The following CCDC152 variants were observed in gnomAD, a reference collection of about 807,000 sequenced individuals.
The protein encoded by CCDC152 is coiled-coil domain-containing protein 152.
A neutral mutation model predicts 38.1 loss-of-function variants in CCDC152; 37 were observed. The observed-to-expected ratio is 0.97, with a 90% CI of 0.75 to 1.28. The LOEUF is 1.28. Among genes scored for constraint, CCDC152 ranks in the 50% most tolerant of loss-of-function variants. The probability of loss-of-function intolerance (pLI) is 0.00; values close to 1 mark genes in which losing one functional copy is unlikely to be tolerated. For synonymous variants in CCDC152, 83 were observed against 87.1 expected (o/e 0.95, Z 0.26); for missense variants, 259 against 292.1 (o/e 0.89, Z 0.83).
chr5:42,789,105 C>T (rs1449077348), intron 6 of CCDC152, among the ~76,000 whole-genome samples: 1 of 152,228 alleles, frequency 6.6e-6, no homozygotes, highest in East Asian at 1.9e-4. Flanking sequence ...CAGTATTGCC[C>T]AGTGTCACAA....
At chr5:42,799,338 C>G (rs1443259449) in intron 7 of CCDC152, 37 bp from the exon 8 acceptor site, 3 of 1,042,792 alleles carry the variant, frequency 2.9e-6, no homozygotes, top group Non-Finnish European at 4.3e-6. Flanking sequence ...TTCTAATTGT[C>G]TAGAGTTTCA....
At chr5:42,799,273 A>C (rs1375976644) in intron 7 of CCDC152, 102 bp from the exon 8 acceptor site, 1 of 608,862 alleles carries the variant, frequency 1.6e-6, no homozygotes, top group East Asian at 3.0e-5. Flanking sequence ...TTTACACCTG[A>C]ATTACAGATT....
Position 42,799,714 on chromosome 5 carries a change from C to A in CCDC152, c.698C>A (p.Thr233Asn). 6.4e-7 allele frequency: 1 copy of A among 1,550,816 alleles called. No individual in the cohort carries two copies. The highest frequency in any genetic ancestry group is 2.0e-5 in the Admixed American group (1 of 50,970). Residue 233 changes from threonine (T) to asparagine (N), a missense_variant, in exon 9 of 9, where the codon ACC becomes AAC. By Grantham distance (65) the Thr-to-Asn change is moderately conservative. Transcript: ENST00000361970. The stretch of plus-strand genomic sequence containing the variant: ...AAGGAGATTGCAATTCTTCGTAATA[C>A]CATTCGCGATTTAGAGCAACGCCTT... ...KNKEIAILRNTIRDLEQRLSV... is the reference protein window; with the variant it reads ...KNKEIAILRNNIRDLEQRLSV...
chr5:42,757,460 A>G (rs530415800), intron 1 of CCDC152, among the ~76,000 whole-genome samples: 20 of 152,294 alleles, frequency 1.3e-4, no homozygotes, highest in African/African-American at 4.8e-4. Context: ...AGGCAAGAAG[A>G]CAAAGAAGGA....
chr5:42,757,429 G>A (rs1343321080), intron 1 of CCDC152, among the ~76,000 whole-genome samples: 1 of 152,192 alleles, frequency 6.6e-6, no homozygotes, highest in Non-Finnish European at 1.5e-5. Flanking sequence ...TCACGCTCCT[G>A]TGGGGATGGT....
At chr5:42,782,545 T>A (rs1759859930) in intron 5 of CCDC152, among the ~76,000 whole-genome samples, 1 of 152,008 alleles carries the variant, frequency 6.6e-6, no homozygotes, top group Non-Finnish European at 1.5e-5. Flanking sequence ...ATTGGGGAGA[T>A]GTTGGTGAAA....
chr5:42,774,345 T>A (rs145555522), intron 4 of CCDC152, among the ~76,000 whole-genome samples: 7 of 152,292 alleles, frequency 4.6e-5, no homozygotes, highest in Admixed American at 4.6e-4. Context: ...ATCTCACAGT[T>A]AAGATATGAG....
rs766072096 is a variant in CCDC152, at chr5:42,800,809, G to T, written c.*1028G>T. 12 of 1,614,040 alleles carry T rather than the reference G, an allele frequency of 7.4e-6. No individual in the cohort carries two copies. Among genetic ancestry groups the T allele is most frequent in the Non-Finnish European group, 1.0e-5 (12 of 1,180,000 alleles). On this transcript the variant is annotated 3_prime_UTR_variant, in exon 9 of 9. Transcript: ENST00000361970. Reference sequence around the variant, plus strand: ...GTGGGTATAAGCTGCTGACTTATTTGTCAGGCAGCTGGAGGCAAACGTCAC... The same window carrying T: ...GTGGGTATAAGCTGCTGACTTATTTTTCAGGCAGCTGGAGGCAAACGTCAC...
chr5:42,798,674 A>G (rs1479260135), intron 7 of CCDC152, among the ~76,000 whole-genome samples: 1 of 152,118 alleles, frequency 6.6e-6, no homozygotes, highest in Non-Finnish European at 1.5e-5. Context: ...GTACCTAACC[A>G]TTTCTCTCCT....
intron 3 of CCDC152, among the ~76,000 whole-genome samples, chr5:42,763,469 T>C (rs191535325): frequency 7.5e-4 from 113 of 150,844 alleles, no homozygotes; most frequent in Admixed American, 2.2e-3. Context: ...TTCTTTACTA[T>C]AGTGAAGACA....
chr5:42,788,014 T>G (rs1346220863), intron 6 of CCDC152, among the ~76,000 whole-genome samples: 1 of 152,194 alleles, frequency 6.6e-6, no homozygotes, highest in Non-Finnish European at 1.5e-5. Context: ...TAGTCTCAGT[T>G]GTTTGTTTTA....
rs945028730 is a variant in CCDC152, at chr5:42,801,510, A to C, written c.*1729A>C. ...GTCTCAACACCTAGACATTTTATTA[A>C]AGGCTTAAAAAGAAAGCCAAACCAC... On this transcript the variant is annotated 3_prime_UTR_variant, in exon 9 of 9. Coordinates refer to ENST00000361970, the MANE Select transcript of CCDC152 (RefSeq NM_001134848.2). The C allele has an allele frequency of 9.3e-6, 5 of 537,648 alleles. No individual in the cohort carries two copies. The highest frequency in any genetic ancestry group is 1.3e-5 in the Non-Finnish European group (4 of 311,612). The allele number at this position is 537,648 out of a possible 1,614,324, so 33.3% of individuals were successfully genotyped here.
chr5:42,763,963 AC>A (rs1245507720), intron 3 of CCDC152, among the ~76,000 whole-genome samples: 1 of 152,174 alleles, frequency 6.6e-6, no homozygotes, highest in Non-Finnish European at 1.5e-5. Context: ...AAATTAATAA[AC>A]TTTTTGGAGC....
At chr5:42,779,631 G>C in intron 5 of CCDC152, 109 bp downstream of exon 5, 5 of 626,852 alleles carry the variant, frequency 8.0e-6, no homozygotes, top group Non-Finnish European at 1.4e-5. Flanking sequence ...AAATGTTTGT[G>C]GGTGTGTGTG....
chr5:42,793,738 A>G (rs1156472041), intron 6 of CCDC152, among the ~76,000 whole-genome samples: 1 of 152,140 alleles, frequency 6.6e-6, no homozygotes, highest in East Asian at 1.9e-4. Flanking sequence ...CTTCCTGAGT[A>G]GCTGGGCCCA....
At chr5:42,779,726 T>A (rs536818314) in intron 5 of CCDC152, among the ~76,000 whole-genome samples, 4 of 152,244 alleles carry the variant, frequency 2.6e-5, no homozygotes, top group African/African-American at 7.2e-5. Context: ...AGAGTTTTTT[T>A]TTTTTACAAA....
At chr5:42,758,972 A>G in intron 1 of CCDC152, 148 bp from the exon 2 acceptor site, 2 of 522,466 alleles carry the variant, frequency 3.8e-6, no homozygotes, top group East Asian at 6.3e-5. Context: ...AATATTGGTT[A>G]TAACAAAAAT....
At chr5:42,759,627 A>T (rs1759523027) in intron 2 of CCDC152, among the ~76,000 whole-genome samples, 2 of 152,180 alleles carry the variant, frequency 1.3e-5, no homozygotes, top group African/African-American at 4.8e-5. Context: ...GAAATCTTCC[A>T]TTGTCTCTGT....
intron 6 of CCDC152, among the ~76,000 whole-genome samples, chr5:42,784,125 G>T (rs1759886702): frequency 6.6e-6 from 1 of 152,052 alleles, no homozygotes; most frequent in East Asian, 1.9e-4. Context: ...GGATTACTGG[G>T]TTGAATAGTA....
Sources: allele counts gnomAD v4.1 joint callset (sites outside exome capture counted in the v4.1 genomes callset), GRCh38; gene constraint gnomAD v4.1.1; transcripts MANE v1.5; gene names NCBI Gene and HGNC (gene_info 2026-07-23, HGNC 2026-07-21).